The following GRM7 variants were observed in gnomAD, a reference collection of about 807,000 sequenced individuals.
The protein encoded by GRM7 is glutamate metabotropic receptor 7, also known as metabotropic glutamate receptor 7.
A neutral mutation model predicts 84.5 loss-of-function variants in GRM7; 35 were observed. That is an observed-to-expected ratio of 0.41 (90% confidence interval 0.32 to 0.55). The LOEUF is 0.55. GRM7 is among the 20% of genes least tolerant of loss of function. The pLI is 0.19. For missense variants in GRM7, 1,003 were observed against 1,194.6 expected (o/e 0.84, Z 2.36); for synonymous variants, 487 against 455.1 (o/e 1.07, Z -0.89).
chr3:7,610,931 GATAGTTAATGTATA>G (rs879294510), intron 8 of GRM7, among the ~76,000 whole-genome samples: 1 of 152,134 alleles, frequency 6.6e-6, no homozygotes, highest in Admixed American at 6.5e-5. Flanking sequence ...ACAACAAAAC[GATAGTTAATGTATA>G]ATATTTTTTT....
chr3:7,305,260 G>A (rs1022599603), intron 3 of GRM7, among the ~76,000 whole-genome samples: 2 of 144,536 alleles, frequency 1.4e-5, no homozygotes, highest in African/African-American at 5.2e-5. Flanking sequence ...GTGTTTTTTT[G>A]TTACCATCTC....
intron 2 of GRM7, among the ~76,000 whole-genome samples, chr3:7,158,915 G>C (rs1217698546): frequency 6.6e-6 from 1 of 152,136 alleles, no homozygotes; most frequent in Non-Finnish European, 1.5e-5. Flanking sequence ...ACAAGTTTAT[G>C]ACAGATTATA....
At chr3:7,206,322 A>G (rs146959887) in intron 2 of GRM7, among the ~76,000 whole-genome samples, 2 of 152,340 alleles carry the variant, frequency 1.3e-5, no homozygotes, top group African/African-American at 4.8e-5. Flanking sequence ...ACTAAAATGA[A>G]GCTGAGGGAT....
chr3:7,126,714 C>A (rs772831891), intron 1 of GRM7, among the ~76,000 whole-genome samples: 4 of 152,058 alleles, frequency 2.6e-5, no homozygotes, highest in Admixed American at 1.3e-4. Context: ...CGTGAGAAAC[C>A]ATTTAGGTTG....
At chr3:7,695,200 T>C (rs1015286555) in intron 9 of GRM7, among the ~76,000 whole-genome samples, 2 of 152,174 alleles carry the variant, frequency 1.3e-5, no homozygotes, top group African/African-American at 4.8e-5. Flanking sequence ...CAGACTGGTG[T>C]TGCAGACTAA....
chr3:7,063,450 T>A (rs960473220), intron 1 of GRM7, among the ~76,000 whole-genome samples: 1 of 151,722 alleles, frequency 6.6e-6, no homozygotes, highest in African/African-American at 2.4e-5. Flanking sequence ...AACAACACAC[T>A]AGCTACACCT....
intron 8 of GRM7, among the ~76,000 whole-genome samples, chr3:7,631,922 G>A (rs1697875806): frequency 6.6e-6 from 1 of 152,202 alleles, no homozygotes; most frequent in South Asian, 2.1e-4. Flanking sequence ...AAGAAAATAG[G>A]TGAGAGAGAG....
At chr3:7,469,587 A>C (rs570837724) in intron 7 of GRM7, among the ~76,000 whole-genome samples, 37 of 152,182 alleles carry the variant, frequency 2.4e-4, no homozygotes, top group African/African-American at 8.7e-4. Context: ...ACTTCTCTAC[A>C]CTTTAATGCT....
chr3:7,282,499 C>G (rs6766479), intron 2 of GRM7, among the ~76,000 whole-genome samples: 60,582 of 152,042 alleles, frequency 0.4, 12,382 homozygotes, highest in Middle Eastern at 0.48. Context: ...CACTTGTCAT[C>G]ACTAGATCAT....
intron 4 of GRM7, among the ~76,000 whole-genome samples, chr3:7,358,894 G>A (rs1693529138): frequency 6.7e-6 from 1 of 150,172 alleles, no homozygotes; most frequent in African/African-American, 2.5e-5. Flanking sequence ...GAGGCAGGCA[G>A]ATGAATTGAG....
intron 4 of GRM7, among the ~76,000 whole-genome samples, chr3:7,338,236 A>T (rs1701501213): frequency 6.6e-6 from 1 of 151,978 alleles, no homozygotes; most frequent in African/African-American, 2.4e-5. Flanking sequence ...TACATGAAGT[A>T]ACTCAGAAAT....
At chr3:7,182,136 C>T (rs1417583394) in intron 2 of GRM7, among the ~76,000 whole-genome samples, 1 of 151,828 alleles carries the variant, frequency 6.6e-6, no homozygotes, top group East Asian at 1.9e-4. Context: ...TTTCATTGTC[C>T]TTTTTCTTAC....
intron 2 of GRM7, among the ~76,000 whole-genome samples, chr3:7,160,944 G>C (rs1408809984): frequency 6.6e-6 from 1 of 152,148 alleles, no homozygotes; most frequent in Non-Finnish European, 1.5e-5. Flanking sequence ...GGGACACAGT[G>C]TGTTCTCAAA....
At chr3:7,268,124 A>T (rs1237304815) in intron 2 of GRM7, among the ~76,000 whole-genome samples, 1 of 152,148 alleles carries the variant, frequency 6.6e-6, no homozygotes, top group African/African-American at 2.4e-5. Flanking sequence ...TCCCATACAG[A>T]TAGAAAATTA....
intron 2 of GRM7, among the ~76,000 whole-genome samples, chr3:7,235,127 C>T (rs987556825): frequency 4.6e-5 from 7 of 152,198 alleles, no homozygotes; most frequent in African/African-American, 1.2e-4. Context: ...GAGCTTTCCA[C>T]ATTAAACCTA....
chr3:7,402,066 A>G (rs748193821), intron 4 of GRM7, among the ~76,000 whole-genome samples: 2 of 151,972 alleles, frequency 1.3e-5, no homozygotes, highest in Non-Finnish European at 2.9e-5. Flanking sequence ...TTTTTCTAGG[A>G]CTCTAATTGA....
chr3:7,081,221 T>C (rs979025485), intron 1 of GRM7, among the ~76,000 whole-genome samples: 2 of 152,114 alleles, frequency 1.3e-5, no homozygotes, highest in African/African-American at 4.8e-5. Flanking sequence ...CTGGCAATCC[T>C]GTGTCAAGCA....
At chr3:7,596,937 C>T (rs797012004) in intron 8 of GRM7, among the ~76,000 whole-genome samples, 1 of 152,222 alleles carries the variant, frequency 6.6e-6, no homozygotes, top group African/African-American at 2.4e-5. Context: ...GAAGAGGAAA[C>T]TTAAAAGTTC....
chr3:6,960,459 A>G (rs1158925229), intron 1 of GRM7, among the ~76,000 whole-genome samples: 1 of 152,112 alleles, frequency 6.6e-6, no homozygotes. Flanking sequence ...ATCTCCCACC[A>G]AAATACTACC....
Sources: gnomAD v4.1 joint callset for allele counts (sites outside exome capture counted in the v4.1 genomes callset) on GRCh38, gnomAD v4.1.1 for gene constraint, MANE v1.5 for transcripts, NCBI Gene and HGNC (gene_info 2026-07-23, HGNC 2026-07-21) for gene names.